NFYA: variants seen among roughly 807,000 people sequenced by gnomAD.
The protein encoded by NFYA is CAAT-box DNA binding protein subunit A.
In NFYA, 28 loss-of-function variants were observed where a neutral mutation model predicts 52.8. That is an observed-to-expected ratio of 0.53 (90% CI 0.39 to 0.73). The LOEUF (loss-of-function observed/expected upper bound fraction) is 0.73, where lower values mean the gene tolerates loss of function less well. NFYA is among the 30% of genes least tolerant of loss of function. The pLI, the probability that NFYA is intolerant of heterozygous loss-of-function variation, is 0.00. For missense variants in NFYA, 234 were observed against 427.0 expected, an observed-to-expected ratio of 0.55 and a Z score of 3.98; for synonymous variants, 150 against 150.7, an observed-to-expected ratio of 1.00 and a Z score of 0.03.
chr6:41,094,635 CT>C, intron 9 of NFYA, 138 bp downstream of exon 9: 2 of 613,558 alleles, frequency 3.3e-6, no homozygotes, highest in Non-Finnish European at 5.7e-6. Flanking sequence ...TCTTATGTCT[CT>C]TTAGATTATC....
At position 41,079,061 on chromosome 6, in the gene NFYA, A is replaced by T; in HGVS notation, c.-29A>T. ...CCTCACAGCCTTCTAGGATCTCCAG[A>T]GTGGACAGGAATCTCACTTGGAGGG... On this transcript the variant is annotated 5_prime_UTR_variant, in exon 2 of 10. Coordinates refer to ENST00000341376, the MANE Select transcript of NFYA (RefSeq NM_002505.5). The T allele has an allele frequency of 1.2e-6, 2 of 1,608,638 alleles. No homozygotes were observed. Among genetic ancestry groups the T allele is most frequent in the Non-Finnish European group, 1.7e-6 (2 of 1,175,374 alleles).
chr6:41,096,863 C>T lies in NFYA; in HGVS notation c.991-494C>T, dbSNP rs376970061. On this transcript the variant is annotated intron_variant, in intron 9 of 9. Transcript: ENST00000341376. ...ACTTTCTGACCCTGACCCTAGTCCA[C>T]GCAAATCACTTTACCCATCTGGCCT... Among the ~76,000 whole-genome samples the T allele has an allele frequency of 3.9e-5, 6 of 152,212 alleles. No homozygotes were observed. The East Asian group carries it at 5.8e-4, about 15-fold the overall frequency.
chr6:41,079,890 G>C (rs533390796), intron 2 of NFYA, among the ~76,000 whole-genome samples: 1 of 152,284 alleles, frequency 6.6e-6, no homozygotes, highest in Admixed American at 6.5e-5. Context: ...GGAAGGGAAA[G>C]GTAGTATTGA....
At chr6:41,080,337 T>C (rs1169832192) in intron 2 of NFYA, among the ~76,000 whole-genome samples, 1 of 152,060 alleles carries the variant, frequency 6.6e-6, no homozygotes, top group Non-Finnish European at 1.5e-5. Flanking sequence ...TTTTGGGACA[T>C]GAGAGCATTG....
In NFYA at chr6:41,097,692, A is replaced by G; in HGVS notation, c.*282A>G. ...GATGCAAGGAGACACATGCCACCCC[A>G]GCAGTACACAAAGCACTTACCTTGA... On this transcript the variant is annotated 3_prime_UTR_variant, in exon 10 of 10. Coordinates refer to ENST00000341376, the MANE Select transcript of NFYA (RefSeq NM_002505.5). The G allele has an allele frequency of 2.9e-6, 1 of 345,504 alleles. No individual in the cohort carries two copies. Among genetic ancestry groups the G allele is most frequent in the Non-Finnish European group, 5.4e-6 (1 of 183,742 alleles). 21.4% of individuals were successfully genotyped at this position (345,504 alleles called of 1,614,324 possible). A position where few individuals can be genotyped will look rare whatever the true frequency, so the allele number is the denominator to read the frequency against.
At chr6:41,097,213 T>C (rs1208504942) in intron 9 of NFYA, 144 bp from the exon 10 acceptor site, 2 of 700,914 alleles carry the variant, frequency 2.9e-6, no homozygotes, top group East Asian at 2.6e-5. Flanking sequence ...CTTTAAGCCA[T>C]GTATGCAGAC....
chr6:41,093,537 C>G (rs1024468202), intron 8 of NFYA, among the ~76,000 whole-genome samples: 5 of 151,788 alleles, frequency 3.3e-5, no homozygotes, highest in Admixed American at 2.0e-4. Flanking sequence ...GTGGCACAAT[C>G]TCAGCTCACT....
chr6:41,090,903 A>G (rs1764182854), intron 6 of NFYA, among the ~76,000 whole-genome samples: 1 of 152,236 alleles, frequency 6.6e-6, no homozygotes, highest in South Asian at 2.1e-4. Flanking sequence ...TAGTTAAATC[A>G]AAAAAGGACA....
Position 41,097,374 on chromosome 6 carries a change from TGAA to T in NFYA, c.1013_1015del (p.Glu338del). 6.2e-7 allele frequency: 1 copy of T among 1,614,038 alleles called. No homozygotes were observed. Among genetic ancestry groups the T allele is most frequent in the Non-Finnish European group, 8.5e-7 (1 of 1,179,916 alleles). On this transcript the variant is annotated inframe_deletion, in exon 10 of 10. Coordinates refer to ENST00000341376, the MANE Select transcript of NFYA (RefSeq NM_002505.5). ...GTCTCTAGGATCCAAACCAAGCCGA[TGAA>T]GAAGCAATGACACAGATCATCCGAG...
chr6:41,081,050 G>C (rs1763891409), intron 3 of NFYA, among the ~76,000 whole-genome samples, 153 bp downstream of exon 3: 1 of 152,216 alleles, frequency 6.6e-6, no homozygotes, highest in Non-Finnish European at 1.5e-5. Flanking sequence ...TAAGATGCCA[G>C]TTTCCTAATA....
intron 8 of NFYA, 152 bp downstream of exon 8, chr6:41,093,237 T>TA: frequency 1.5e-6 from 1 of 660,138 alleles, no homozygotes; most frequent in Non-Finnish European, 2.4e-6. Flanking sequence ...CATTTGTTAT[T>TA]ACTAATATGC....
At chr6:41,080,936 C>T (rs754570723) in intron 3 of NFYA, 39 bp downstream of exon 3, 1 of 1,497,692 alleles carries the variant, frequency 6.7e-7, no homozygotes, top group South Asian at 1.1e-5. Flanking sequence ...ACTGCATGAA[C>T]TTCTCCTCTC....
At chr6:41,092,860 T>C in intron 7 of NFYA, 52 bp from the exon 8 acceptor site, 4 of 1,548,648 alleles carry the variant, frequency 2.6e-6, no homozygotes, top group South Asian at 1.2e-5. Context: ...AGAAACTGTT[T>C]CTATGTCCAT....
chr6:41,097,291 G>A, intron 9 of NFYA, 66 bp from the exon 10 acceptor site: 7 of 1,448,984 alleles, frequency 4.8e-6, no homozygotes, highest in South Asian at 4.6e-5. Context: ...GGGATAAGTA[G>A]TGAGAGCCAT....
chr6:41,080,024 G>A (rs1434176514), intron 2 of NFYA, among the ~76,000 whole-genome samples: 4 of 152,156 alleles, frequency 2.6e-5, no homozygotes, highest in African/African-American at 9.7e-5. Flanking sequence ...TTCCACAAAG[G>A]GCCCTCCATT....
At chr6:41,088,800 GGTCTC>G (rs1158860989) in intron 4 of NFYA, among the ~76,000 whole-genome samples, 1 of 152,032 alleles carries the variant, frequency 6.6e-6, no homozygotes, top group East Asian at 1.9e-4. Flanking sequence ...TGCCCAGGCT[GGTCTC>G]GAACTCCTGA....
At chr6:41,095,491 G>T (rs1290816327) in intron 9 of NFYA, among the ~76,000 whole-genome samples, 3 of 152,124 alleles carry the variant, frequency 2.0e-5, no homozygotes, top group African/African-American at 7.2e-5. Context: ...GGAGGCAGTG[G>T]TGTGATTATG....
Position 41,084,166 on chromosome 6 carries a change from G to A in NFYA, c.283G>A (p.Val95Ile). ...GQGQTIMQVP[V>I]SGTQGLQQIQ... ...AGGTCAAACCATCATGCAAGTACCT[G>A]TTTCTGGAACACAGGGTTTGCAGCA... The change falls in exon 4 of 10, where the codon GTT (valine) becomes ATT (isoleucine). Residue 95 changes from valine to isoleucine, a missense_variant. Transcript: ENST00000341376. 6.2e-7 allele frequency: 1 copy of A among 1,614,054 alleles called. No homozygotes were observed.
In NFYA at chr6:41,098,928, A is replaced by T; in HGVS notation, c.*1518A>T. On this transcript the variant is annotated 3_prime_UTR_variant, in exon 10 of 10. Transcript: ENST00000341376. ...AGAGTTGGCTGCCTTCTCTGGAAAC[A>T]AGGAAAACCCAATAATTCCGAGGAA... 6.6e-6 allele frequency: 1 copy of T among 152,528 alleles called. No homozygotes were observed. Among genetic ancestry groups the T allele is most frequent in the East Asian group, 1.9e-4 (1 of 5,198 alleles). 9.4% of individuals were successfully genotyped at this position (152,528 alleles called of 1,614,324 possible).
Sources: allele counts gnomAD v4.1 joint callset (sites outside exome capture counted in the v4.1 genomes callset), GRCh38; gene constraint gnomAD v4.1.1; transcripts MANE v1.5; gene names NCBI Gene and HGNC (gene_info 2026-07-23, HGNC 2026-07-21).